KLHL20: variants seen among roughly 807,000 people sequenced by gnomAD.
The protein encoded by KLHL20 is kelch like family member 20.
Under a neutral mutation model 69.5 loss-of-function variants are expected in KLHL20, and 29 were observed. That is an observed-to-expected ratio of 0.42 (90% CI 0.31 to 0.57). The LOEUF (loss-of-function observed/expected upper bound fraction) is 0.57, where lower values mean the gene tolerates loss of function less well. Among genes scored for constraint, KLHL20 ranks in the 20% least tolerant of loss-of-function variants. The pLI is 0.18. For missense variants in KLHL20, 419 were observed against 776.0 expected (o/e 0.54, Z 5.47); for synonymous variants, 253 against 265.2 (o/e 0.95, Z 0.45).
chr1:173,760,329 T>G (rs1309701542), intron 7 of KLHL20, among the ~76,000 whole-genome samples: 3 of 152,150 alleles, frequency 2.0e-5, no homozygotes, highest in Non-Finnish European at 4.4e-5. Flanking sequence ...TCCCCAGCCT[T>G]GTGAGAGACC....
At chr1:173,727,079 C>T (rs1672007019) in intron 2 of KLHL20, among the ~76,000 whole-genome samples, 1 of 152,018 alleles carries the variant, frequency 6.6e-6, no homozygotes, top group Non-Finnish European at 1.5e-5. Context: ...AAAACCACCG[C>T]ACGAGAACTA....
At chr1:173,779,599 C>T (rs1046121560) in intron 10 of KLHL20, among the ~76,000 whole-genome samples, 1 of 152,122 alleles carries the variant, frequency 6.6e-6, no homozygotes, top group South Asian at 2.1e-4. Flanking sequence ...GATCCACCCC[C>T]CTCAGCCTCC....
At chr1:173,760,678 G>A (rs1487717020) in intron 7 of KLHL20, among the ~76,000 whole-genome samples, 5 of 152,076 alleles carry the variant, frequency 3.3e-5, no homozygotes, top group Non-Finnish European at 5.9e-5. Context: ...GAGATAATTC[G>A]CCATTACCAA....
chr1:173,733,667 T>TATA (rs746457942), intron 2 of KLHL20, 46 bp from the exon 3 acceptor site: 6 of 1,379,696 alleles, frequency 4.3e-6, no homozygotes, highest in Middle Eastern at 1.9e-4. Flanking sequence ...GAAAAGAGCT[T>TATA]ATAATAATAC....
At position 173,775,640 on chromosome 1, in the gene KLHL20, G is replaced by A. The variant is rs757951015; in HGVS notation, c.1436G>A (p.Arg479His). 1.9e-6 allele frequency: 3 copies of A among 1,613,870 alleles called. No individual in the cohort carries two copies. The highest frequency in any genetic ancestry group is 2.5e-6 in the Non-Finnish European group (3 of 1,179,938). The part of the protein sequence containing the change: ...DGTSPLNTVE[R>H]YNPQENRWHT... ...GTTTTTCTTTTCCCTACAGTGGAAC[G>A]TTACAATCCTCAGGAAAACAGATGG... Residue 479 changes from arginine (R) to histidine (H), a missense_variant, in exon 10 of 12, where the codon CGT (arginine) becomes CAT (histidine). Physicochemically the swap from Arg to His is conservative, Grantham distance 29 (BLOSUM62 0). Around this residue, in one of 6 missense-constraint regions of KLHL20, gnomAD observed 56 missense variants for 75.9 expected, o/e 0.74. Coordinates refer to ENST00000209884, the MANE Select transcript of KLHL20 (RefSeq NM_014458.4).
chr1:173,774,389 G>T lies in KLHL20; in HGVS notation c.1380G>T (p.Gly460=). Reference sequence around the variant, plus strand: ...GTGTGGCTGTGGCTGTGTTAGGAGGGTTCTTATATGCTGTAGGTGGCTCTG... The same window carrying T: ...GTGTGGCTGTGGCTGTGTTAGGAGGTTTCTTATATGCTGTAGGTGGCTCTG... ...RLGVAVAVLG[G]FLYAVGGSDG... is the part of the protein sequence containing the mutation. The change falls in exon 9 of 12, where the codon GGG becomes GGT. Residue 460 remains glycine (G), a synonymous_variant. Transcript: ENST00000209884. 2 of 1,614,164 alleles carry T rather than the reference G, an allele frequency of 1.2e-6. No individual in the cohort carries two copies. The highest frequency in any genetic ancestry group is 1.7e-6 in the Non-Finnish European group (2 of 1,180,040).
At chr1:173,726,067 C>T (rs1193320727) in intron 2 of KLHL20, among the ~76,000 whole-genome samples, 2 of 152,140 alleles carry the variant, frequency 1.3e-5, no homozygotes, top group African/African-American at 2.4e-5. Context: ...GCTTTTCCAA[C>T]AGTCTTAGCA....
intron 2 of KLHL20, among the ~76,000 whole-genome samples, chr1:173,727,294 G>A (rs887517810): frequency 4.6e-5 from 7 of 152,072 alleles, no homozygotes; most frequent in South Asian, 2.1e-4. Context: ...TGAAAGTGAC[G>A]GGGAGAATGG....
At chr1:173,740,482 T>G (rs1299414531) in intron 3 of KLHL20, among the ~76,000 whole-genome samples, 1 of 152,046 alleles carries the variant, frequency 6.6e-6, no homozygotes, top group African/African-American at 2.4e-5. Flanking sequence ...GGTTTTACCT[T>G]AGATTGTCTA....
chr1:173,723,830 T>A (rs543899837), intron 2 of KLHL20, among the ~76,000 whole-genome samples: 1 of 152,340 alleles, frequency 6.6e-6, no homozygotes, highest in African/African-American at 2.4e-5. Flanking sequence ...ATCTGGAGCA[T>A]GGATGTGAGA....
intron 3 of KLHL20, among the ~76,000 whole-genome samples, chr1:173,735,630 A>G (rs1162005429): frequency 6.6e-6 from 1 of 152,106 alleles, no homozygotes; most frequent in Non-Finnish European, 1.5e-5. Context: ...TAGTTTTTGG[A>G]GAACAGGTGG....
At chr1:173,772,039 T>C (rs1284378545) in intron 8 of KLHL20, among the ~76,000 whole-genome samples, 2 of 152,240 alleles carry the variant, frequency 1.3e-5, no homozygotes, top group East Asian at 1.9e-4. Context: ...ATAAAGTATC[T>C]TGTAGTCCTG....
intron 2 of KLHL20, among the ~76,000 whole-genome samples, chr1:173,729,571 A>T (rs1672153901): frequency 6.6e-6 from 1 of 152,228 alleles, no homozygotes; most frequent in Non-Finnish European, 1.5e-5. Flanking sequence ...GGTTCAACAT[A>T]CACAAATCAA....
At chr1:173,776,095 C>T (rs1472939356) in intron 10 of KLHL20, among the ~76,000 whole-genome samples, 1 of 152,094 alleles carries the variant, frequency 6.6e-6, no homozygotes, top group East Asian at 1.9e-4. Flanking sequence ...TATCAGCAAT[C>T]GTTATGGCCT....
At chr1:173,724,680 C>G (rs1307502137) in intron 2 of KLHL20, among the ~76,000 whole-genome samples, 1 of 152,094 alleles carries the variant, frequency 6.6e-6, no homozygotes, top group Admixed American at 6.6e-5. Flanking sequence ...TGACTCACAC[C>G]TGTAGTCCCA....
chr1:173,723,525 C>T (rs906726231), intron 2 of KLHL20, among the ~76,000 whole-genome samples: 8 of 152,312 alleles, frequency 5.3e-5, no homozygotes, highest in African/African-American at 1.9e-4. Flanking sequence ...ATTTTTCTGT[C>T]CTTCTCAGGA....
At chr1:173,715,773 T>C in intron 1 of KLHL20, 1 of 440,874 alleles carries the variant, frequency 2.3e-6, no homozygotes, top group Non-Finnish European at 4.1e-6. Flanking sequence ...CAGTCGGGAC[T>C]ATTTAGCATA....
At chr1:173,771,744 G>C (rs556896848) in intron 8 of KLHL20, among the ~76,000 whole-genome samples, 7 of 152,172 alleles carry the variant, frequency 4.6e-5, no homozygotes, top group African/African-American at 1.4e-4. Context: ...CCCCACCCTG[G>C]GTGACAGACT....
chr1:173,781,285 TAA>T, intron 10 of KLHL20, among the ~76,000 whole-genome samples: 1 of 152,142 alleles, frequency 6.6e-6, no homozygotes, highest in East Asian at 1.9e-4. Flanking sequence ...AACTTACCCT[TAA>T]ATAGTAGGGA....
Sources: allele counts gnomAD v4.1 joint callset (sites outside exome capture counted in the v4.1 genomes callset), GRCh38; gene constraint gnomAD v4.1.1; regional missense constraint gnomAD v4.1.1; transcripts MANE v1.5; gene names NCBI Gene and HGNC (gene_info 2026-07-23, HGNC 2026-07-21).